Variants in NEMF observed in about 807,000 individuals in gnomAD.
NEMF encodes the protein ribosome quality control complex subunit NEMF.
A neutral mutation model predicts 162.2 loss-of-function variants in NEMF; 89 were observed. That is an observed-to-expected ratio of 0.55 (90% CI 0.46 to 0.65). The LOEUF is 0.65. Ranked by LOEUF, NEMF falls within the 30% of genes least tolerant of loss-of-function variation. The pLI is 0.00. For missense variants in NEMF, 1,133 were observed against 1,261.9 expected (o/e 0.90, Z 1.55); for synonymous variants, 421 against 404.5 (o/e 1.04, Z -0.49).
intron 4 of NEMF, among the ~76,000 whole-genome samples, chr14:49,843,691 G>A (rs1055227858): frequency 1.3e-5 from 2 of 152,164 alleles, no homozygotes; most frequent in Non-Finnish European, 2.9e-5. Flanking sequence ...CCTAGGCTAG[G>A]AATCTGTATA....
intron 31 of NEMF, 42 bp downstream of exon 31, chr14:49,785,050 G>A: frequency 1.9e-6 from 3 of 1,604,166 alleles, no homozygotes; most frequent in Non-Finnish European, 2.6e-6. Context: ...TTAAGTCACT[G>A]AACTGTTTAA....
intron 6 of NEMF, 21 bp downstream of exon 6, chr14:49,838,118 G>T: frequency 2.5e-6 from 4 of 1,580,836 alleles, no homozygotes; most frequent in Non-Finnish European, 3.5e-6. Context: ...ACATTTCACT[G>T]CTATTTGCAG....
At chr14:49,814,132 C>G (rs1352765124) in intron 17 of NEMF, 82 bp from the exon 18 acceptor site, 4 of 836,312 alleles carry the variant, frequency 4.8e-6, no homozygotes, top group Non-Finnish European at 7.9e-6. Context: ...TGGAGTCTCG[C>G]TCTGTCGCCC....
intron 1 of NEMF, 70 bp downstream of exon 1, chr14:49,852,625 T>G (rs901747265): frequency 7.8e-6 from 12 of 1,537,194 alleles, no homozygotes; most frequent in Non-Finnish European, 9.9e-6. Context: ...GCTGGTCTGT[T>G]TGCGCCATGG....
At position 49,806,010 on chromosome 14, in the gene NEMF, G is replaced by GC. The variant is rs1891171395; in HGVS notation, c.1857+10dup. The GC allele has an allele frequency of 2.5e-6, 4 of 1,570,772 alleles. No homozygotes were observed. The highest frequency in any genetic ancestry group is 3.5e-6 in the Non-Finnish European group (4 of 1,144,688). On this transcript the variant is annotated intron_variant, in intron 19 of 32. Transcript: ENST00000298310. ...TAGTAAATTAAGAAAAAGGACAAGA[G>GC]CCCTTATTACCTGATGATGGTACAC...
rs1893497294 is a variant in NEMF, at chr14:49,846,280, A to T, written c.232-15T>A. On this transcript the variant is annotated splice_polypyrimidine_tract_variant and intron_variant, in intron 3 of 32. Coordinates refer to ENST00000298310, the MANE Select transcript of NEMF (RefSeq NM_004713.6). ...TGTTTTCGGCACTAGCAAGAGAAAG[A>T]AAAAGGCATTCATTTAGTAAAAGTG... 2.5e-5 allele frequency: 40 copies of T among 1,606,112 alleles called. 1 individual carries two copies. In the East Asian group the frequency reaches 8.9e-4, roughly 36 times the overall value.
Position 49,799,674 on chromosome 14 carries a change from T to G in NEMF, c.2377A>C (p.Ile793Leu). The change falls in exon 24 of 33, where the codon ATC (isoleucine) becomes CTC (leucine). Residue 793 changes from isoleucine to leucine, a missense_variant. Coordinates refer to ENST00000298310, the MANE Select transcript of NEMF (RefSeq NM_004713.6). ...DLSHLQPQRS[I>L]QKLASKEESS... ...TCCTCTTTTGAAGCCAATTTCTGGATGGACCTATGAAAATAAACACAAGGG... is the reference window on the plus strand; with the variant it reads ...TCCTCTTTTGAAGCCAATTTCTGGAGGGACCTATGAAAATAAACACAAGGG... 6.2e-7 allele frequency: 1 copy of G among 1,611,474 alleles called. No individual in the cohort carries two copies. The highest frequency in any genetic ancestry group is 8.5e-7 in the Non-Finnish European group (1 of 1,178,960).
At chr14:49,812,982 A>C (rs1314460569) in intron 18 of NEMF, among the ~76,000 whole-genome samples, 4 of 152,078 alleles carry the variant, frequency 2.6e-5, no homozygotes, top group Non-Finnish European at 5.9e-5. Context: ...TCACCATGTT[A>C]GCCAGGTTGG....
intron 3 of NEMF, among the ~76,000 whole-genome samples, chr14:49,848,282 C>A (rs1222905104): frequency 6.6e-6 from 1 of 152,130 alleles, no homozygotes; most frequent in East Asian, 1.9e-4. Context: ...ATTAAATCCC[C>A]TTCCTCCTAT....
At chr14:49,792,945 C>T (rs1408452666) in intron 26 of NEMF, among the ~76,000 whole-genome samples, 1 of 152,092 alleles carries the variant, frequency 6.6e-6, no homozygotes, top group South Asian at 2.1e-4. Flanking sequence ...CACACCACTG[C>T]AGTCCAGCCT....
chr14:49,831,446 C>CT (rs1238745730), intron 10 of NEMF, 85 bp from the exon 11 acceptor site: 92 of 640,356 alleles, frequency 1.4e-4, no homozygotes, highest in Non-Finnish European at 1.8e-4. Flanking sequence ...TTTTTTTTTT[C>CT]TTTTTTTTTG....
Position 49,783,160 on chromosome 14 carries a change from A to G in NEMF, c.*1476T>C, listed in dbSNP as rs762799933. 2.6e-6 allele frequency: 1 copy of G among 389,162 alleles called. No homozygotes were observed. The highest frequency in any genetic ancestry group is 4.5e-6 in the Non-Finnish European group (1 of 222,150). 24.1% of individuals were successfully genotyped at this position (389,162 alleles called of 1,614,324 possible). A position where few individuals can be genotyped will look rare whatever the true frequency, so the allele number is the denominator to read the frequency against. ...ACCAGTAGCTGTCCTCTATTAAAGTAAAGTAATGGTTGGGCTTTTTACCCT... is the reference window on the plus strand; with the variant it reads ...ACCAGTAGCTGTCCTCTATTAAAGTGAAGTAATGGTTGGGCTTTTTACCCT... On this transcript the variant is annotated 3_prime_UTR_variant, in exon 33 of 33. Transcript: ENST00000298310.
chr14:49,847,811 C>T (rs979271154), intron 3 of NEMF, among the ~76,000 whole-genome samples: 7 of 150,864 alleles, frequency 4.6e-5, no homozygotes, highest in Non-Finnish European at 7.4e-5. Context: ...GTAGGTGGAT[C>T]ACTTGAGGTC....
intron 3 of NEMF, 106 bp from the exon 4 acceptor site, chr14:49,846,371 A>G (rs1893502587): frequency 2.9e-6 from 3 of 1,027,214 alleles, no homozygotes; most frequent in African/African-American, 1.6e-5. Context: ...GAATATTTAA[A>G]ACGTTGTGAA....
chr14:49,846,099 TAAG>T, intron 4 of NEMF, 38 bp downstream of exon 4: 1 of 1,576,538 alleles, frequency 6.3e-7, no homozygotes, highest in Non-Finnish European at 8.7e-7. Context: ...AAATGATTAA[TAAG>T]AAATTTTCCT....
At chr14:49,811,618 T>G (rs1306961959) in intron 18 of NEMF, among the ~76,000 whole-genome samples, 3 of 152,206 alleles carry the variant, frequency 2.0e-5, no homozygotes, top group African/African-American at 7.2e-5. Context: ...GGAATATCCC[T>G]TCTATTCCTA....
At chr14:49,789,004 A>C (rs932206004) in intron 28 of NEMF, 142 bp downstream of exon 28, 27 of 691,128 alleles carry the variant, frequency 3.9e-5, no homozygotes, top group Non-Finnish European at 5.6e-5. Context: ...TTAGTCTTTC[A>C]GGTTGTATTT....
chr14:49,827,064 G>C (rs552968955), intron 15 of NEMF, among the ~76,000 whole-genome samples: 15 of 152,266 alleles, frequency 9.9e-5, no homozygotes, highest in South Asian at 2.1e-4. Flanking sequence ...GAGGAGGAAT[G>C]CAGGTGTTGA....
chr14:49,806,251 T>TAG (rs1891198240), intron 18 of NEMF, 118 bp from the exon 19 acceptor site: 1 of 17,946 alleles, frequency 5.6e-5, no homozygotes, highest in Non-Finnish European at 1.2e-4. Context: ...TATATATATA[T>TAG]ATATATTTTT....
Sources: allele counts gnomAD v4.1 joint callset (sites outside exome capture counted in the v4.1 genomes callset), GRCh38; gene constraint gnomAD v4.1.1; transcripts MANE v1.5; gene names NCBI Gene and HGNC (gene_info 2026-07-23, HGNC 2026-07-21).